The following RIMS2 variants were observed in gnomAD, a reference collection of about 807,000 sequenced individuals.
RIMS2 encodes regulating synaptic membrane exocytosis protein 2.
A neutral mutation model predicts 174.4 loss-of-function variants in RIMS2; 59 were observed. The ratio of observed to expected loss-of-function variants is 0.34; its 90% CI spans 0.27 to 0.42. The LOEUF (loss-of-function observed/expected upper bound fraction) is 0.42, where lower values mean the gene tolerates loss of function less well. Ranked by LOEUF, RIMS2 falls within the 10% of genes least tolerant of loss-of-function variation. RIMS2 has a pLI of 1.00. For synonymous variants in RIMS2, 606 were observed against 572.5 expected (o/e 1.06, Z -0.84); for missense variants, 1,620 against 1,666.3 (o/e 0.97, Z 0.48).
At chr8:104,163,564 G>A (rs2098777641) in intron 19 of RIMS2, among the ~76,000 whole-genome samples, 1 of 152,136 alleles carries the variant, frequency 6.6e-6, no homozygotes, top group Non-Finnish European at 1.5e-5. Flanking sequence ...AATCAACCGT[G>A]TAGGATCTGA....
At chr8:103,521,305 A>C (rs1024051581) in intron 1 of RIMS2, among the ~76,000 whole-genome samples, 7 of 152,174 alleles carry the variant, frequency 4.6e-5, no homozygotes, top group South Asian at 2.1e-4. Context: ...ATTAAAAAAA[A>C]CCAATAGTTT....
intron 19 of RIMS2, among the ~76,000 whole-genome samples, chr8:104,026,867 G>A (rs4133373): frequency 6.6e-6 from 1 of 152,090 alleles, no homozygotes; most frequent in Non-Finnish European, 1.5e-5. Flanking sequence ...GAGAATGTTA[G>A]CACCCATATC....
At chr8:103,911,678 C>T (rs759590284) in intron 5 of RIMS2, among the ~76,000 whole-genome samples, 29 of 152,078 alleles carry the variant, frequency 1.9e-4, no homozygotes, top group East Asian at 5.8e-4. Context: ...AATTCACTTG[C>T]GTAGAATTTC....
chr8:103,573,145 T>C (rs2132439239), intron 1 of RIMS2, among the ~76,000 whole-genome samples: 1 of 152,176 alleles, frequency 6.6e-6, no homozygotes, highest in East Asian at 1.9e-4. Flanking sequence ...GTCCTCTGCC[T>C]CTCAGTTTCA....
At chr8:103,597,450 G>C (rs1197248188) in intron 1 of RIMS2, among the ~76,000 whole-genome samples, 1 of 152,042 alleles carries the variant, frequency 6.6e-6, no homozygotes, top group Non-Finnish European at 1.5e-5. Context: ...TCCTGCTTCA[G>C]GTTCTACTTG....
chr8:103,780,484 G>A (rs1471941786), intron 3 of RIMS2, among the ~76,000 whole-genome samples: 2 of 151,972 alleles, frequency 1.3e-5, no homozygotes, highest in East Asian at 3.9e-4. Flanking sequence ...TTGTCTTCAA[G>A]CTCTCCGATT....
At chr8:103,603,171 C>T (rs1371772065) in intron 1 of RIMS2, among the ~76,000 whole-genome samples, 1 of 136,636 alleles carries the variant, frequency 7.3e-6, no homozygotes, top group Non-Finnish European at 1.5e-5. Context: ...ACACAGTCCC[C>T]AGAGTGTGAT....
chr8:103,641,714 G>A (rs1048399482), intron 1 of RIMS2, among the ~76,000 whole-genome samples: 8 of 151,872 alleles, frequency 5.3e-5, no homozygotes, highest in African/African-American at 1.5e-4. Context: ...CATCTTGTTC[G>A]TTCTCATGAG....
intron 16 of RIMS2, among the ~76,000 whole-genome samples, chr8:103,988,422 A>G (rs2094493375): frequency 6.6e-6 from 1 of 152,244 alleles, no homozygotes; most frequent in Non-Finnish European, 1.5e-5. Context: ...GCGTGTCATC[A>G]TGGATGAGGT....
intron 19 of RIMS2, among the ~76,000 whole-genome samples, chr8:104,098,485 G>A (rs1050776105): frequency 2.0e-5 from 3 of 152,072 alleles, no homozygotes; most frequent in African/African-American, 7.2e-5. Flanking sequence ...ATTGTCAAAA[G>A]CAACAATGTT....
At chr8:103,501,092 T>C in intron 1 of RIMS2, 30 bp downstream of exon 1, 1 of 1,522,860 alleles carries the variant, frequency 6.6e-7, no homozygotes, top group African/African-American at 1.4e-5. Context: ...TTCCCGCCTC[T>C]CTCCCTGCCC....
At chr8:103,681,912 A>G (rs1470017272) in intron 1 of RIMS2, among the ~76,000 whole-genome samples, 3 of 152,126 alleles carry the variant, frequency 2.0e-5, no homozygotes, top group African/African-American at 7.2e-5. Flanking sequence ...TTGGCAGCAT[A>G]TAATGGAGAC....
chr8:104,003,504 C>T (rs1258382002), intron 17 of RIMS2, among the ~76,000 whole-genome samples: 1 of 151,900 alleles, frequency 6.6e-6, no homozygotes. Flanking sequence ...ACCTCCACCT[C>T]CCAGGTTCAA....
chr8:103,511,214 G>T (rs1000493706), intron 1 of RIMS2, among the ~76,000 whole-genome samples: 1 of 152,106 alleles, frequency 6.6e-6, no homozygotes, highest in African/African-American at 2.4e-5. Context: ...TGCCCTGTAC[G>T]TAAAGATTAA....
chr8:103,939,785 C>G (rs1442624650), intron 13 of RIMS2, among the ~76,000 whole-genome samples: 1 of 152,140 alleles, frequency 6.6e-6, no homozygotes, highest in Non-Finnish European at 1.5e-5. Flanking sequence ...CACCAGATAG[C>G]CTAAATCATC....
rs193090013 is a variant in RIMS2, at chr8:103,593,504, T to C, written c.176+92442T>C. ...TTGGTATAGCATATACCAAAAGATA[T>C]CTATAATGACCTGAACAAATTATTA... On this transcript the variant is annotated intron_variant, in intron 1 of 23. Coordinates refer to ENST00000504942, the Ensembl canonical transcript of RIMS2. Among the ~76,000 whole-genome samples the C allele has an allele frequency of 6.9e-4, 105 of 151,552 alleles. 1 individual carries two copies. Among genetic ancestry groups the C allele is most frequent in the Non-Finnish European group, 1.1e-3 (74 of 67,512 alleles).
At chr8:104,079,616 T>TATATATATATTG (rs1366464983) in intron 19 of RIMS2, among the ~76,000 whole-genome samples, 1 of 129,720 alleles carries the variant, frequency 7.7e-6, no homozygotes, top group Non-Finnish European at 1.7e-5. Context: ...TATATATATA[T>TATATATATATTG]ATATATATAT....
intron 10 of RIMS2, among the ~76,000 whole-genome samples, chr8:103,927,569 A>G (rs1195483843): frequency 1.3e-5 from 2 of 151,576 alleles, no homozygotes; most frequent in Non-Finnish European, 3.0e-5. Context: ...ATATTATTTT[A>G]TATCCAGTCT....
chr8:103,974,104 C>T (rs975904854), intron 15 of RIMS2, among the ~76,000 whole-genome samples: 1 of 152,156 alleles, frequency 6.6e-6, no homozygotes, highest in African/African-American at 2.4e-5. Context: ...ACTGAGAATA[C>T]ATCATTGCTT....
Sources: allele counts gnomAD v4.1 joint callset (sites outside exome capture counted in the v4.1 genomes callset), GRCh38; gene constraint gnomAD v4.1.1; transcripts MANE v1.5; gene names NCBI Gene and HGNC (gene_info 2026-07-23, HGNC 2026-07-21).